The following NFIB variants were observed in gnomAD, a reference collection of about 807,000 sequenced individuals.
NFIB encodes the protein nuclear factor I B, also known as nuclear factor 1 B-type.
A neutral mutation model predicts 61.5 loss-of-function variants in NFIB; 11 were observed. The ratio of observed to expected loss-of-function variants is 0.18; its 90% CI spans 0.11 to 0.30. The LOEUF (loss-of-function observed/expected upper bound fraction) is 0.30. Among genes scored for constraint, NFIB ranks in the 10% least tolerant of loss-of-function variants. The pLI is 1.00. For missense variants in NFIB, 471 were observed against 608.9 expected, an observed-to-expected ratio of 0.77 and a Z score of 2.38; for synonymous variants, 260 against 216.5, an observed-to-expected ratio of 1.20 and a Z score of -1.76.
intron 2 of NFIB, among the ~76,000 whole-genome samples, chr9:14,244,941 A>C (rs972630280): frequency 6.6e-6 from 1 of 152,088 alleles, no homozygotes; most frequent in Non-Finnish European, 1.5e-5. Context: ...GGGTGTCCGG[A>C]TTCTCCTCCT....
chr9:14,296,939 T>C (rs1431468773), intron 2 of NFIB, among the ~76,000 whole-genome samples: 1 of 152,236 alleles, frequency 6.6e-6, no homozygotes, highest in Non-Finnish European at 1.5e-5. Flanking sequence ...TCTTAAGTAA[T>C]TCCTGCAAGA....
intron 2 of NFIB, among the ~76,000 whole-genome samples, chr9:14,296,379 T>C (rs1398548505): frequency 6.6e-6 from 1 of 152,228 alleles, no homozygotes; most frequent in African/African-American, 2.4e-5. Flanking sequence ...ACAAAGCAGA[T>C]AAATGGCAGA....
At chr9:14,359,867 C>G (rs918191991) in intron 1 of NFIB, among the ~76,000 whole-genome samples, 1 of 152,016 alleles carries the variant, frequency 6.6e-6, no homozygotes, top group African/African-American at 2.4e-5. Flanking sequence ...TAAAGCAGCA[C>G]AGAAAGTAGT....
chr9:14,382,846 A>G (rs2061504440), intron 1 of NFIB, among the ~76,000 whole-genome samples: 1 of 152,236 alleles, frequency 6.6e-6, no homozygotes, highest in South Asian at 2.1e-4. Context: ...ATGAAAGTCC[A>G]GGAAGAAAAA....
chr9:14,341,934 G>C (rs373413007), intron 1 of NFIB, among the ~76,000 whole-genome samples: 2 of 31,904 alleles, frequency 6.3e-5, no homozygotes, highest in African/African-American at 1.3e-4. Context: ...GTGACTCCTC[G>C]GGAGGAAAAA....
the NFIB span, among the ~76,000 whole-genome samples, chr9:14,487,524 T>C: frequency 6.6e-6 from 1 of 152,200 alleles, no homozygotes; most frequent in South Asian, 2.1e-4. Context: ...TAGTGTGGGA[T>C]GCCCAGGGTC....
At chr9:14,360,170 G>A (rs1440745185) in intron 1 of NFIB, among the ~76,000 whole-genome samples, 1 of 152,126 alleles carries the variant, frequency 6.6e-6, no homozygotes, top group Non-Finnish European at 1.5e-5. Flanking sequence ...AGACCTACCT[G>A]AATTCAATCA....
intron 2 of NFIB, among the ~76,000 whole-genome samples, chr9:14,230,135 T>A (rs145649335): frequency 8.5e-5 from 13 of 152,336 alleles, no homozygotes; most frequent in African/African-American, 2.9e-4. Context: ...TAGTGGTATT[T>A]TTAAGACAGT....
At chr9:14,322,154 A>C in intron 1 of NFIB, 1 of 1,204,038 alleles carries the variant, frequency 8.3e-7, no homozygotes, top group Non-Finnish European at 1.0e-6. Flanking sequence ...CTGCACTGCC[A>C]CAGTTCTTGG....
chr9:14,283,004 TAATA>T (rs1356486858), intron 2 of NFIB, among the ~76,000 whole-genome samples: 1 of 152,180 alleles, frequency 6.6e-6, no homozygotes, highest in Non-Finnish European at 1.5e-5. Flanking sequence ...AGTAAGTGCT[TAATA>T]AATATTAGAT....
At chr9:14,416,381 G>A in the NFIB span, among the ~76,000 whole-genome samples, 1 of 152,106 alleles carries the variant, frequency 6.6e-6, no homozygotes, top group Non-Finnish European at 1.5e-5. Context: ...TGACAGCTCC[G>A]CATGTGTTAC....
At chr9:14,132,804 G>A (rs1348062868) in intron 6 of NFIB, among the ~76,000 whole-genome samples, 1 of 152,176 alleles carries the variant, frequency 6.6e-6, no homozygotes, top group Non-Finnish European at 1.5e-5. Flanking sequence ...AGTCTCACGA[G>A]ATCTCCTGCC....
At chr9:14,289,591 A>G (rs2058956967) in intron 2 of NFIB, among the ~76,000 whole-genome samples, 1 of 151,970 alleles carries the variant, frequency 6.6e-6, no homozygotes, top group Non-Finnish European at 1.5e-5. Flanking sequence ...ATACACATAT[A>G]TATGCACATA....
At chr9:14,089,875 G>A (rs774040228) in intron 10 of NFIB, among the ~76,000 whole-genome samples, 28 of 152,180 alleles carry the variant, frequency 1.8e-4, no homozygotes, top group South Asian at 2.1e-4. Context: ...GATACAAAAT[G>A]TTGCTTGTTG....
intron 3 of NFIB, among the ~76,000 whole-genome samples, chr9:14,169,834 G>C (rs2045366194): frequency 6.6e-6 from 1 of 151,942 alleles, no homozygotes; most frequent in South Asian, 2.1e-4. Flanking sequence ...ACAAACAACA[G>C]TCAAATTAAC....
chr9:14,448,590 AT>A, the NFIB span, among the ~76,000 whole-genome samples: 1 of 152,124 alleles, frequency 6.6e-6, no homozygotes, highest in Non-Finnish European at 1.5e-5. Flanking sequence ...GAATCTTTGG[AT>A]TTGCAAAGGG....
At chr9:14,319,299 G>A (rs906613160) in intron 1 of NFIB, among the ~76,000 whole-genome samples, 1 of 152,084 alleles carries the variant, frequency 6.6e-6, no homozygotes, top group South Asian at 2.1e-4. Flanking sequence ...CTCCACTAAG[G>A]TTATCCGGTT....
At chr9:14,447,839 T>C in the NFIB span, among the ~76,000 whole-genome samples, 5 of 152,150 alleles carry the variant, frequency 3.3e-5, no homozygotes, top group South Asian at 2.1e-4. Context: ...TCCCAGTTCC[T>C]AGGCTGAAAG....
At position 14,142,630 on chromosome 9, in the gene NFIB, T is replaced by C. The variant is rs557045330; in HGVS notation, c.925+4059A>G. On this transcript the variant is annotated intron_variant, in intron 6 of 10. Transcript: ENST00000380953. Reference sequence around the variant, plus strand: ...GTACATCAACTAGAAATTGAGTCTCTGAATTGACTCAGATGGAAAAAAAAA... The same window carrying C: ...GTACATCAACTAGAAATTGAGTCTCCGAATTGACTCAGATGGAAAAAAAAA... 1.3e-4 allele frequency among the ~76,000 whole-genome samples: 20 copies of C among 152,252 alleles called. No individual in the cohort carries two copies. The South Asian group carries it at 2.9e-3, about 22-fold the overall frequency.
Sources: allele counts gnomAD v4.1 joint callset (sites outside exome capture counted in the v4.1 genomes callset), GRCh38; gene constraint gnomAD v4.1.1; transcripts MANE v1.5; gene names NCBI Gene and HGNC (gene_info 2026-07-23, HGNC 2026-07-21).